NELL1: variants seen among roughly 807,000 people sequenced by gnomAD.
The protein encoded by NELL1 is protein kinase C-binding protein NELL1.
Under a neutral mutation model 107.4 loss-of-function variants are expected in NELL1, and 76 were observed. The observed-to-expected ratio is 0.71, with a 90% CI of 0.59 to 0.86. The LOEUF (loss-of-function observed/expected upper bound fraction) is 0.86. Ranked by LOEUF, NELL1 falls within the 40% of genes least tolerant of loss-of-function variation. NELL1 has a pLI of 0.00. For missense variants in NELL1, 1,024 were observed against 1,005.5 expected, an observed-to-expected ratio of 1.02 and a Z score of -0.25; for synonymous variants, 353 against 341.2, an observed-to-expected ratio of 1.03 and a Z score of -0.38.
At chr11:21,396,014 G>A (rs1401023225) in intron 15 of NELL1, among the ~76,000 whole-genome samples, 1 of 151,546 alleles carries the variant, frequency 6.6e-6, no homozygotes, top group Non-Finnish European at 1.5e-5. Context: ...AATTCCAGTA[G>A]CAAGTGGTTG....
intron 15 of NELL1, among the ~76,000 whole-genome samples, chr11:21,510,406 G>A (rs1313827672): frequency 6.6e-6 from 1 of 152,118 alleles, no homozygotes; most frequent in African/African-American, 2.4e-5. Context: ...TTCACTGCTT[G>A]AATTCTGTGG....
At chr11:21,096,082 T>C (rs1590631408) in intron 12 of NELL1, among the ~76,000 whole-genome samples, 1 of 152,186 alleles carries the variant, frequency 6.6e-6, no homozygotes, top group African/African-American at 2.4e-5. Flanking sequence ...CATGTGAGAA[T>C]TGAGGATGCA....
intron 2 of NELL1, among the ~76,000 whole-genome samples, chr11:20,765,897 A>G (rs1163331934): frequency 1.3e-5 from 2 of 152,232 alleles, no homozygotes; most frequent in Non-Finnish European, 2.9e-5. Flanking sequence ...AAGTATATTC[A>G]TGGTGTATAA....
chr11:21,228,480 C>G (rs1473037212), intron 13 of NELL1, among the ~76,000 whole-genome samples: 1 of 152,114 alleles, frequency 6.6e-6, no homozygotes, highest in Non-Finnish European at 1.5e-5. Context: ...AAACAGAGGC[C>G]TCAGAGTAAA....
chr11:20,690,201 G>A (rs532258701), intron 2 of NELL1, among the ~76,000 whole-genome samples: 5,347 of 152,214 alleles, frequency 0.035, 320 homozygotes, highest in African/African-American at 0.12. Flanking sequence ...CAGATGAGTA[G>A]GTTGTGAAAA....
chr11:20,727,033 T>C (rs1044572805), intron 2 of NELL1, among the ~76,000 whole-genome samples: 4 of 152,206 alleles, frequency 2.6e-5, no homozygotes, highest in African/African-American at 9.7e-5. Context: ...TTTTTGCTAT[T>C]GTGAATAGTG....
intron 14 of NELL1, among the ~76,000 whole-genome samples, chr11:21,243,140 A>T (rs1235805511): frequency 5.9e-5 from 9 of 151,988 alleles, no homozygotes; most frequent in Non-Finnish European, 1.0e-4. Flanking sequence ...TCTGAAAGAT[A>T]CTAGGCAGGG....
At chr11:21,202,818 T>C (rs1857300346) in intron 13 of NELL1, among the ~76,000 whole-genome samples, 1 of 152,142 alleles carries the variant, frequency 6.6e-6, no homozygotes, top group African/African-American at 2.4e-5. Context: ...GATTCTGGTA[T>C]GTTGTGTCTT....
At chr11:20,842,649 T>C (rs1848640899) in intron 3 of NELL1, among the ~76,000 whole-genome samples, 1 of 152,194 alleles carries the variant, frequency 6.6e-6, no homozygotes, top group Admixed American at 6.5e-5. Context: ...TATCTACCCA[T>C]ACAAAGTTGG....
At chr11:20,948,574 T>C (rs1156401363) in intron 11 of NELL1, among the ~76,000 whole-genome samples, 1 of 151,934 alleles carries the variant, frequency 6.6e-6, no homozygotes, top group Non-Finnish European at 1.5e-5. Flanking sequence ...ATCCAATAAA[T>C]TCCTTTTATC....
chr11:21,329,228 T>G (rs542848023), intron 14 of NELL1, among the ~76,000 whole-genome samples: 1 of 152,138 alleles, frequency 6.6e-6, no homozygotes, highest in Non-Finnish European at 1.5e-5. Flanking sequence ...GCAGTTACCC[T>G]CATGCTGTTC....
At chr11:21,508,316 GAAATA>G (rs2133941358) in intron 15 of NELL1, among the ~76,000 whole-genome samples, 1 of 152,058 alleles carries the variant, frequency 6.6e-6, no homozygotes, top group Non-Finnish European at 1.5e-5. Flanking sequence ...GAGTCAAAAA[GAAATA>G]AAATATTGTG....
intron 15 of NELL1, among the ~76,000 whole-genome samples, chr11:21,504,855 C>T (rs957776642): frequency 6.6e-6 from 1 of 152,156 alleles, no homozygotes; most frequent in African/African-American, 2.4e-5. Context: ...TCTTCTCCTG[C>T]ACTCTATGGA....
In NELL1 at chr11:21,519,857, A is replaced by G. The variant is rs150056856; in HGVS notation, c.1646-14517A>G. Among the ~76,000 whole-genome samples the G allele has an allele frequency of 1.5e-3, 222 of 152,276 alleles. 1 individual carries two copies. The highest frequency in any genetic ancestry group is 5.1e-3 in the African/African-American group (211 of 41,564). On this transcript the variant is annotated intron_variant, in intron 15 of 19. Transcript: ENST00000357134. ...GTGTAATTATAGTCCAGGTTGGGAG[A>G]GAGATTCCTGGTGCTGACTCCTCTG...
At chr11:20,692,319 T>G (rs1854489690) in intron 2 of NELL1, among the ~76,000 whole-genome samples, 1 of 152,112 alleles carries the variant, frequency 6.6e-6, no homozygotes, top group African/African-American at 2.4e-5. Flanking sequence ...ATTTCTTGCC[T>G]TCTGCTAGCT....
chr11:21,028,225 G>T (rs946374080), intron 12 of NELL1, among the ~76,000 whole-genome samples: 14 of 152,068 alleles, frequency 9.2e-5, no homozygotes, highest in African/African-American at 3.4e-4. Flanking sequence ...AATTTAATTA[G>T]TCCAGAGAAA....
intron 15 of NELL1, among the ~76,000 whole-genome samples, chr11:21,450,547 G>T (rs1306324804): frequency 1.3e-5 from 2 of 152,132 alleles, no homozygotes; most frequent in African/African-American, 4.8e-5. Context: ...AGAAATGATG[G>T]AATCATGTCT....
Position 20,693,849 on chromosome 11 carries a change from G to A in NELL1, c.184+15789G>A, listed in dbSNP as rs964566090. On this transcript the variant is annotated intron_variant, in intron 2 of 19. Coordinates refer to ENST00000357134, the MANE Select transcript of NELL1 (RefSeq NM_006157.5). ...TGTTGGCCTGCCTTGCTAGATTGGG[G>A]AAGTTCTCTTGGATAGTATCCTGCA... 4.6e-5 allele frequency among the ~76,000 whole-genome samples: 7 copies of A among 152,300 alleles called. No individual in the cohort carries two copies. In the East Asian group the frequency reaches 5.8e-4, roughly 13 times the overall value.
At chr11:20,767,264 G>T (rs994126755) in intron 2 of NELL1, among the ~76,000 whole-genome samples, 4 of 152,186 alleles carry the variant, frequency 2.6e-5, no homozygotes, top group Non-Finnish European at 2.9e-5. Flanking sequence ...AAAGAACAAA[G>T]CTTCCACAGC....
Sources: allele counts gnomAD v4.1 joint callset (sites outside exome capture counted in the v4.1 genomes callset), GRCh38; gene constraint gnomAD v4.1.1; transcripts MANE v1.5; gene names NCBI Gene and HGNC (gene_info 2026-07-23, HGNC 2026-07-21).